SCEL: variants seen among roughly 807,000 people sequenced by gnomAD.
SCEL encodes the protein sciellin.
SCEL carries 113 observed loss-of-function variants against 117.6 expected under a neutral mutation model. The ratio of observed to expected loss-of-function variants is 0.96; its 90% CI spans 0.83 to 1.12. The LOEUF is 1.12. Among genes scored for constraint, SCEL ranks in the 50% most tolerant of loss-of-function variants. The probability of loss-of-function intolerance (pLI) is 0.00; values close to 1 mark genes in which losing one functional copy is unlikely to be tolerated. For synonymous variants in SCEL, 270 were observed against 256.2 expected (o/e 1.05, Z -0.51); for missense variants, 785 against 810.8 (o/e 0.97, Z 0.39).
intron 13 of SCEL, among the ~76,000 whole-genome samples, chr13:77,599,005 C>G (rs2087449225): frequency 6.6e-6 from 1 of 152,076 alleles, no homozygotes; most frequent in Non-Finnish European, 1.5e-5. Flanking sequence ...TTCTGTGTGT[C>G]CTGACCATCA....
chr13:77,574,115 C>A (rs561994264), intron 9 of SCEL, among the ~76,000 whole-genome samples: 1 of 152,256 alleles, frequency 6.6e-6, no homozygotes, highest in Non-Finnish European at 1.5e-5. Flanking sequence ...ACTCATCATT[C>A]CAATTGTTCA....
rs2089153682 is a variant in SCEL, at chr13:77,617,661, A to G, written c.1511+3A>G. On this transcript the variant is annotated splice_donor_region_variant and intron_variant, in intron 25 of 32. Transcript: ENST00000349847. ...GAAATTTTCACAAACAACCAAAGGT[A>G]ATAAAACTATGTTGTTTTAATGTAC... The G allele has an allele frequency of 6.3e-7, 1 of 1,578,176 alleles. No individual in the cohort carries two copies. Among genetic ancestry groups the G allele is most frequent in the Non-Finnish European group, 8.7e-7 (1 of 1,153,414 alleles).
intron 5 of SCEL, among the ~76,000 whole-genome samples, chr13:77,564,629 A>G (rs1253735868): frequency 1.3e-5 from 2 of 152,222 alleles, no homozygotes; most frequent in African/African-American, 4.8e-5. Flanking sequence ...CTCCTATTAA[A>G]TAGGCACCAT....
chr13:77,561,371 C>T (rs1270245826), intron 4 of SCEL, among the ~76,000 whole-genome samples: 2 of 152,124 alleles, frequency 1.3e-5, no homozygotes, highest in Non-Finnish European at 2.9e-5. Flanking sequence ...TCATGGTGGC[C>T]AACATTGTGG....
At chr13:77,585,013 T>A (rs934336275) in intron 9 of SCEL, among the ~76,000 whole-genome samples, 2 of 152,214 alleles carry the variant, frequency 1.3e-5, no homozygotes, top group South Asian at 2.1e-4. Flanking sequence ...TGTTCTGTAA[T>A]GGGATTGACA....
Position 77,604,364 on chromosome 13 carries a change from ACC to A in SCEL, c.1107_1108del (p.Leu370Ter), listed in dbSNP as rs1240508573. 6.4e-7 allele frequency: 1 copy of A among 1,568,918 alleles called. No homozygotes were observed. Among genetic ancestry groups the A allele is most frequent in the South Asian group, 1.2e-5 (1 of 83,436 alleles). ...AATTTCCTTTTTCAAAGAAAAAAAG[ACC>A]TTGATGGGCTTATTAAAGTGGATCC... On this transcript the variant is annotated frameshift_variant, in exon 19 of 33. Coordinates refer to ENST00000349847, the MANE Select transcript of SCEL (RefSeq NM_144777.3). LOFTEE classifies it high-confidence loss of function.
intron 9 of SCEL, among the ~76,000 whole-genome samples, chr13:77,585,314 G>C (rs1458139831): frequency 6.6e-6 from 1 of 152,176 alleles, no homozygotes; most frequent in Non-Finnish European, 1.5e-5. Flanking sequence ...TATCACTGGA[G>C]ATAGATACTC....
At chr13:77,623,730 A>G (rs1328848052) in intron 27 of SCEL, among the ~76,000 whole-genome samples, 1 of 152,148 alleles carries the variant, frequency 6.6e-6, no homozygotes, top group Non-Finnish European at 1.5e-5. Flanking sequence ...CATGAAAACT[A>G]AGGTACAAAG....
chr13:77,543,379 G>A (rs868013046), intron 1 of SCEL, among the ~76,000 whole-genome samples: 3 of 152,108 alleles, frequency 2.0e-5, no homozygotes, highest in African/African-American at 2.4e-5. Context: ...CACCGCGCCC[G>A]GCCAACTTTA....
At chr13:77,637,283 C>T (rs985481899) in intron 30 of SCEL, 89 bp downstream of exon 30, 1 of 266,358 alleles carries the variant, frequency 3.8e-6, no homozygotes. Flanking sequence ...CACACAGGCA[C>T]ACACACATAT....
At chr13:77,637,257 T>TATATATACACACACACAGGCACACACAC in intron 30 of SCEL, 63 bp downstream of exon 30, 1 of 441,308 alleles carries the variant, frequency 2.3e-6, no homozygotes, top group Non-Finnish European at 3.9e-6. Context: ...CACACATATA[T>TATATATACACACACACAGGCACACACAC]ATATATATAT....
intron 12 of SCEL, among the ~76,000 whole-genome samples, 197 bp from the exon 13 acceptor site, chr13:77,597,348 C>T (rs1257201959): frequency 6.6e-6 from 1 of 151,858 alleles, no homozygotes; most frequent in Non-Finnish European, 1.5e-5. Flanking sequence ...GTAGAGGACT[C>T]TATTCAGTTA....
In SCEL at chr13:77,555,869, A is replaced by G; in HGVS notation, c.-7A>G. The G allele has an allele frequency of 6.2e-7, 1 of 1,611,996 alleles. No individual in the cohort carries two copies. Among genetic ancestry groups the G allele is most frequent in the Non-Finnish European group, 8.5e-7 (1 of 1,178,174 alleles). On this transcript the variant is annotated 5_prime_UTR_variant, in exon 2 of 33. Transcript: ENST00000349847. ...ATTTTTCTTTTAGGTCCTTACTGGA[A>G]GGCAGCATGTCCAATGTTACCTTGA...
intron 9 of SCEL, among the ~76,000 whole-genome samples, chr13:77,588,888 A>G (rs918063749): frequency 2.6e-5 from 4 of 152,192 alleles, no homozygotes; most frequent in African/African-American, 7.2e-5. Context: ...AGAACATAGT[A>G]TAGTCCAAAC....
At chr13:77,546,145 G>T (rs1392067908) in intron 1 of SCEL, among the ~76,000 whole-genome samples, 3 of 152,190 alleles carry the variant, frequency 2.0e-5, no homozygotes, top group Non-Finnish European at 4.4e-5. Context: ...GTTCATTGGG[G>T]AGTGAGTTTT....
intron 22 of SCEL, among the ~76,000 whole-genome samples, chr13:77,611,689 A>G (rs1202195438): frequency 2.6e-5 from 4 of 152,130 alleles, no homozygotes; most frequent in Non-Finnish European, 4.4e-5. Context: ...GAGATTTTTT[A>G]CTTCAGAGAA....
At chr13:77,629,824 G>A (rs1376865596) in intron 28 of SCEL, among the ~76,000 whole-genome samples, 1 of 152,186 alleles carries the variant, frequency 6.6e-6, no homozygotes, top group African/African-American at 2.4e-5. Context: ...CTAATGGCAA[G>A]AGACTGAGTG....
At chr13:77,559,126 C>T (rs2084831278) in intron 3 of SCEL, among the ~76,000 whole-genome samples, 1 of 152,202 alleles carries the variant, frequency 6.6e-6, no homozygotes, top group African/African-American at 2.4e-5. Context: ...CCTAGACCCA[C>T]CTCTGTTACT....
chr13:77,631,927 C>A (rs149217809), intron 28 of SCEL, among the ~76,000 whole-genome samples: 5 of 152,330 alleles, frequency 3.3e-5, no homozygotes, highest in Non-Finnish European at 7.3e-5. Context: ...AGAGCAAGGT[C>A]CTATCAGGGT....
Sources: allele counts gnomAD v4.1 joint callset (sites outside exome capture counted in the v4.1 genomes callset), GRCh38; gene constraint gnomAD v4.1.1; transcripts MANE v1.5; gene names NCBI Gene and HGNC (gene_info 2026-07-23, HGNC 2026-07-21).